DIAPH2: variants seen among roughly 807,000 people sequenced by gnomAD.
The protein encoded by DIAPH2 is diaphanous related formin 2.
A neutral mutation model predicts 92.7 loss-of-function variants in DIAPH2; 35 were observed. That is an observed-to-expected ratio of 0.38 (90% CI 0.29 to 0.50). DIAPH2 has a LOEUF of 0.50. DIAPH2 is among the 20% of genes least tolerant of loss of function. The pLI is 0.94. For synonymous variants in DIAPH2, 301 were observed against 280.4 expected, an observed-to-expected ratio of 1.07 and a Z score of -0.73; for missense variants, 701 against 819.5, an observed-to-expected ratio of 0.86 and a Z score of 1.77.
intron 17 of DIAPH2, among the ~76,000 whole-genome samples, chrX:96,979,631 G>A (rs2065981934): frequency 8.9e-6 from 1 of 112,176 alleles, no homozygotes; most frequent in Non-Finnish European, 1.9e-5. Flanking sequence ...GAGCTTGCAG[G>A]AAGGAGGAAG....
chrX:96,947,229 C>T (rs755954015), intron 14 of DIAPH2, among the ~76,000 whole-genome samples: 1 of 111,714 alleles, frequency 9.0e-6, no homozygotes, highest in Non-Finnish European at 1.9e-5. Flanking sequence ...TTGTGTGCCT[C>T]TCCTCCAACA....
At chrX:96,871,186 G>A (rs749411159) in intron 4 of DIAPH2, among the ~76,000 whole-genome samples, 1 of 111,184 alleles carries the variant, frequency 9.0e-6, no homozygotes, top group Admixed American at 9.6e-5. Context: ...AAATGGTAGT[G>A]GGCCGGGCGC....
intron 5 of DIAPH2, among the ~76,000 whole-genome samples, chrX:96,911,038 A>T (rs2065466046): frequency 9.0e-6 from 1 of 111,578 alleles, no homozygotes; most frequent in African/African-American, 3.3e-5. Flanking sequence ...AGGAAGTGCA[A>T]GGTGGGCTCC....
At chrX:97,382,213 T>A (rs1285772572) in intron 24 of DIAPH2, among the ~76,000 whole-genome samples, 1 of 112,636 alleles carries the variant, frequency 8.9e-6, no homozygotes, top group Non-Finnish European at 1.9e-5. Context: ...CCATCCTGTC[T>A]TTCTTAGACA....
rs2063806834 is a variant in DIAPH2, at chrX:96,693,150, G to A, written c.132+7960G>A. ...TGTAACTATTACTTTCCAGACAGCA[G>A]TTTAGTGCTGTTATTGTGCTGAGAG... On this transcript the variant is annotated intron_variant, in intron 1 of 26. Coordinates refer to ENST00000324765, the MANE Select transcript of DIAPH2 (RefSeq NM_006729.5). 2.7e-5 allele frequency among the ~76,000 whole-genome samples: 3 copies of A among 112,203 alleles called. No homozygotes were observed. The Admixed American group carries it at 2.8e-4, about 11-fold the overall frequency.
chrX:96,899,180 T>C (rs2065372750), intron 5 of DIAPH2, among the ~76,000 whole-genome samples: 1 of 108,748 alleles, frequency 9.2e-6, no homozygotes, highest in African/African-American at 3.3e-5. Flanking sequence ...AGCTTTGTTC[T>C]TTTGGCTTAG....
chrX:97,139,134 A>C (rs1388888455), intron 21 of DIAPH2, among the ~76,000 whole-genome samples: 1 of 110,118 alleles, frequency 9.1e-6, no homozygotes, highest in Non-Finnish European at 1.9e-5. Flanking sequence ...TTATTGGATA[A>C]ATGTCTTTAA....
chrX:97,455,137 G>A (rs905342713), intron 26 of DIAPH2, among the ~76,000 whole-genome samples: 1 of 112,229 alleles, frequency 8.9e-6, no homozygotes, highest in African/African-American at 3.2e-5. Flanking sequence ...TATTTAGGAC[G>A]TATAGACTCT....
chrX:97,070,213 AC>A (rs2147910009), intron 17 of DIAPH2, among the ~76,000 whole-genome samples: 1 of 111,259 alleles, frequency 9.0e-6, no homozygotes, highest in South Asian at 3.8e-4. Context: ...TTTCATTTGT[AC>A]GGGGAAGGTC....
chrX:97,232,455 G>A (rs1422336089), intron 22 of DIAPH2, among the ~76,000 whole-genome samples: 1 of 111,411 alleles, frequency 9.0e-6, no homozygotes, highest in Non-Finnish European at 1.9e-5. Context: ...GGCTGGTCTC[G>A]AACTCAGGTG....
At chrX:96,811,447 A>G (rs918856303) in intron 4 of DIAPH2, among the ~76,000 whole-genome samples, 2 of 111,981 alleles carry the variant, frequency 1.8e-5, no homozygotes, top group Non-Finnish European at 3.8e-5. Context: ...TAAATATACA[A>G]TCATGTCATC....
intron 17 of DIAPH2, among the ~76,000 whole-genome samples, chrX:96,994,805 A>G (rs1479395839): frequency 9.0e-6 from 1 of 111,252 alleles, no homozygotes; most frequent in Non-Finnish European, 1.9e-5. Flanking sequence ...AGATGTCATG[A>G]GAACTCACTC....
At chrX:97,013,278 G>A in intron 17 of DIAPH2, among the ~76,000 whole-genome samples, 1 of 111,861 alleles carries the variant, frequency 8.9e-6, no homozygotes, top group Non-Finnish European at 1.9e-5. Context: ...AATGACAGCA[G>A]ACTGGGACCA....
At chrX:97,341,860 A>G (rs919159539) in intron 23 of DIAPH2, among the ~76,000 whole-genome samples, 6 of 111,842 alleles carry the variant, frequency 5.4e-5, no homozygotes, top group Non-Finnish European at 9.4e-5. Context: ...CAGTCTACTG[A>G]TTCACATGCA....
At chrX:97,185,355 G>GTATATATATA (rs1320825418) in intron 22 of DIAPH2, among the ~76,000 whole-genome samples, 5,563 of 10,295 alleles carry the variant, frequency 0.54, 1,452 homozygotes, top group Middle Eastern at 0.73. Context: ...ATATATATGT[G>GTATATATATA]TGTATATATA....
At chrX:96,863,241 C>G (rs1602575145) in intron 4 of DIAPH2, among the ~76,000 whole-genome samples, 1 of 86,103 alleles carries the variant, frequency 1.2e-5, no homozygotes, top group South Asian at 5.5e-4. Context: ...CTCATTATTC[C>G]TTTTTTTTTT....
intron 26 of DIAPH2, chrX:97,528,677 C>T (rs2071039441): frequency 8.9e-6 from 1 of 112,066 alleles, no homozygotes; most frequent in Admixed American, 9.5e-5. Context: ...TCCCATCGGG[C>T]CCCACTTCCA....
intron 21 of DIAPH2, among the ~76,000 whole-genome samples, chrX:97,124,239 G>A (rs1164814781): frequency 8.9e-6 from 1 of 112,297 alleles, no homozygotes; most frequent in African/African-American, 3.2e-5. Context: ...AAGCTTATGT[G>A]TCTCAAAATA....
At position 97,006,675 on chromosome X, in the gene DIAPH2, G is replaced by A. The variant is rs145427138; in HGVS notation, c.2050+41468G>A. 7.0e-3 allele frequency among the ~76,000 whole-genome samples: 788 copies of A among 111,933 alleles called. 1 individual carries two copies. The highest frequency in any genetic ancestry group is 0.01 in the Non-Finnish European group (555 of 53,101). The stretch of plus-strand genomic sequence containing the variant: ...AAGCGTGTTTCTTGAAAGCAACAAT[G>A]CATTTTAATGAACTATAAAAGCAAG... On this transcript the variant is annotated intron_variant, in intron 17 of 26. Coordinates refer to ENST00000324765, the MANE Select transcript of DIAPH2 (RefSeq NM_006729.5).
Sources: allele counts gnomAD v4.1 joint callset (sites outside exome capture counted in the v4.1 genomes callset), GRCh38; gene constraint gnomAD v4.1.1; transcripts MANE v1.5; gene names NCBI Gene and HGNC (gene_info 2026-07-23, HGNC 2026-07-21).